CREBBP: variants seen among roughly 807,000 people sequenced by gnomAD.
The protein encoded by CREBBP is CREB binding lysine acetyltransferase, also known as CREB-binding protein.
CREBBP carries 19 observed loss-of-function variants against 265.0 expected under a neutral mutation model. That is an observed-to-expected ratio of 0.07 (90% CI 0.05 to 0.11). CREBBP has a LOEUF of 0.11. CREBBP is among the 10% of genes least tolerant of loss of function. CREBBP has a pLI of 1.00. For missense variants in CREBBP, 2,525 were observed against 3,219.0 expected, an observed-to-expected ratio of 0.78 and a Z score of 5.22; for synonymous variants, 1,457 against 1,223.7, an observed-to-expected ratio of 1.19 and a Z score of -3.98.
intron 2 of CREBBP, among the ~76,000 whole-genome samples, chr16:3,831,703 A>G (rs983491838): frequency 4.6e-5 from 7 of 152,200 alleles, no homozygotes; most frequent in Admixed American, 3.9e-4. Flanking sequence ...CAAATTAAGA[A>G]AAGAGTACAG....
rs2151367822 is a variant in CREBBP at position 3,749,608 on chromosome 16, G to C, written c.3836+19C>G. 6.4e-7 allele frequency: 1 copy of C among 1,572,826 alleles called. No individual in the cohort carries two copies. The highest frequency in any genetic ancestry group is 8.7e-7 in the Non-Finnish European group (1 of 1,143,978). On this transcript the variant is annotated intron_variant, in intron 21 of 30. Coordinates refer to ENST00000262367, the MANE Select transcript of CREBBP (RefSeq NM_004380.3). ...TCAAACCAAAACTGAAAGTAAAAAA[G>C]AAATAGCTATATACTTACGGTTCGG...
At chr16:3,833,416 G>C (rs2054381891) in intron 2 of CREBBP, among the ~76,000 whole-genome samples, 1 of 151,996 alleles carries the variant, frequency 6.6e-6, no homozygotes, top group Non-Finnish European at 1.5e-5. Context: ...CATCTCAAAA[G>C]AAACCCAAAA....
rs192701589 is a variant in CREBBP, at chr16:3,808,554, G to A, written c.975+2049C>T. Among the ~76,000 whole-genome samples, 8 of 152,336 alleles carry A rather than the reference G, an allele frequency of 5.3e-5. No individual in the cohort carries two copies. The South Asian group carries it at 8.3e-4, about 16-fold the overall frequency. ...GAATGAGCAGCCTCTTTGCAGTCCCGGGCAGAAACTGCCCTTGACAAGCAT... is the reference window on the plus strand; with the variant it reads ...GAATGAGCAGCCTCTTTGCAGTCCCAGGCAGAAACTGCCCTTGACAAGCAT... On this transcript the variant is annotated intron_variant, in intron 3 of 30. Transcript: ENST00000262367.
At chr16:3,868,796 A>T (rs2055232789) in intron 1 of CREBBP, among the ~76,000 whole-genome samples, 2 of 152,240 alleles carry the variant, frequency 1.3e-5, no homozygotes, top group Non-Finnish European at 2.9e-5. Flanking sequence ...CACAACTCAG[A>T]GTTCCATGAG....
At chr16:3,865,945 AT>A (rs924586373) in intron 1 of CREBBP, among the ~76,000 whole-genome samples, 9 of 151,576 alleles carry the variant, frequency 5.9e-5, no homozygotes, top group South Asian at 2.1e-4. Context: ...CAAGAAACTG[AT>A]TTTTTTTTAA....
In CREBBP at chr16:3,787,634, TTTTTTTGTTTTGTTTTGG is replaced by T. The variant is rs533183355; in HGVS notation, c.1330+4329_1330+4346del. ...ACTCCATATAAAAAAAGGAGGTTTT[TTTTTTTGTTTTGTTTTGG>T]TTTTTTGTTTTGTTTTGTTTTGTTT... is the stretch of plus-strand genomic sequence containing the variant. On this transcript the variant is annotated intron_variant, in intron 5 of 30. Coordinates refer to ENST00000262367, the MANE Select transcript of CREBBP (RefSeq NM_004380.3). Among the ~76,000 whole-genome samples, 1,274 of 152,184 alleles carry T rather than the reference TTTTTTTGTTTTGTTTTGG, an allele frequency of 8.4e-3. 8 individuals are homozygous for T. The highest frequency in any genetic ancestry group is 0.013 in the Non-Finnish European group (859 of 67,998).
Position 3,773,607 on chromosome 16 carries a change from G to C in CREBBP, c.2463+144C>G, listed in dbSNP as rs1446752343. The C allele has an allele frequency of 8.0e-6, 7 of 875,412 alleles. No individual in the cohort carries two copies. In the African/African-American group the frequency reaches 8.5e-5, roughly 11 times the overall value. The allele number at this position is 875,412 out of a possible 1,614,324, so 54.2% of individuals were successfully genotyped here. ...TTAAGGACTACAGGACAAAGGTGGA[G>C]AAAACAAAGAGAAGCTGATACAAAG... On this transcript the variant is annotated intron_variant, in intron 13 of 30. Transcript: ENST00000262367.
rs771319484 is a variant in CREBBP, at chr16:3,729,676, A to C, written c.5371T>G (p.Ser1791Ala). Residue 1791 changes from serine (S) to alanine (A), a missense_variant, in exon 31 of 31, where the codon TCG (serine) becomes GCG (alanine). This residue lies in a region of CREBBP where 53 missense variants were observed against 146.3 expected (regional missense o/e 0.36). Coordinates refer to ENST00000262367, the MANE Select transcript of CREBBP (RefSeq NM_004380.3). ...HACQCRNANCSLPSCQKMKRV... is the reference protein window; with the variant it reads ...HACQCRNANCALPSCQKMKRV... Reference sequence around the variant, plus strand: ...TTCATCTTCTGGCAGGATGGCAGCGAGCAGTTGGCGTTGCGGCACTGGCAC... The same window carrying C: ...TTCATCTTCTGGCAGGATGGCAGCGCGCAGTTGGCGTTGCGGCACTGGCAC... The C allele has an allele frequency of 6.2e-7, 1 of 1,613,432 alleles. No homozygotes were observed. The highest frequency in any genetic ancestry group is 1.1e-5 in the South Asian group (1 of 91,082).
Position 3,810,765 on chromosome 16 carries a change from C to T in CREBBP, c.813G>A (p.Gly271=). The change falls in exon 3 of 31, where the codon GGG becomes GGA. Residue 271 remains glycine (G), a synonymous_variant. Transcript: ENST00000262367. ...AGGGCTGTCCAAATGGACTTGTGTT[C>T]CCAGTTATTCCCATCTGAAACAAAA... ...AGGMAKMGIT[G]NTSPFGQPFS... is the part of the protein sequence containing the mutation. 2 of 1,613,818 alleles carry T rather than the reference C, an allele frequency of 1.2e-6. No individual in the cohort carries two copies. The highest frequency in any genetic ancestry group is 1.1e-5 in the South Asian group (1 of 91,050).
At chr16:3,766,990 C>A (rs759125989) in intron 16 of CREBBP, among the ~76,000 whole-genome samples, 1 of 152,188 alleles carries the variant, frequency 6.6e-6, no homozygotes, top group Non-Finnish European at 1.5e-5. Context: ...CAGTCTCTAA[C>A]ATTTCTCTGC....
intron 24 of CREBBP, 124 bp from the exon 25 acceptor site, chr16:3,739,848 A>G: frequency 2.9e-6 from 4 of 1,392,502 alleles, no homozygotes; most frequent in Non-Finnish European, 4.0e-6. Flanking sequence ...ACCTCCTCAG[A>G]CCGTGGCCTG....
chr16:3,728,582 A>G lies in CREBBP; in HGVS notation c.6465T>C (p.Pro2155=), dbSNP rs746868061. Reference sequence around the variant, plus strand: ...GGCCTCCCATCGCCTGCTGCTGTGGAGGCACACCGGGCCGCGGCACGCCAG... The same window carrying G: ...GGCCTCCCATCGCCTGCTGCTGTGGGGGCACACCGGGCCGCGGCACGCCAG... ...MQAGVPRPGV[P]PQQQAMGGLN... is the part of the protein sequence containing the mutation. The change falls in exon 31 of 31, where the codon CCT becomes CCC. Residue 2155 remains proline (P), a synonymous_variant. Coordinates refer to ENST00000262367, the MANE Select transcript of CREBBP (RefSeq NM_004380.3). This position sits in a 1 kb window ranked among gnomAD's most constrained non-coding sequence, Gnocchi z 8.7. The G allele has an allele frequency of 8.1e-6, 13 of 1,613,596 alleles. No homozygotes were observed. Among genetic ancestry groups the G allele is most frequent in the Non-Finnish European group, 9.3e-6 (11 of 1,179,906 alleles).
chr16:3,843,669 C>T (rs1597040299), intron 2 of CREBBP, among the ~76,000 whole-genome samples: 2 of 152,138 alleles, frequency 1.3e-5, no homozygotes, highest in Non-Finnish European at 1.5e-5. Flanking sequence ...ATCCTCCCAC[C>T]TCAGCCTCCT....
At chr16:3,842,784 G>C (rs953672892) in intron 2 of CREBBP, among the ~76,000 whole-genome samples, 2 of 151,860 alleles carry the variant, frequency 1.3e-5, no homozygotes, top group Non-Finnish European at 2.9e-5. Flanking sequence ...GGCCAACATG[G>C]TGAAACCCCG....
At chr16:3,779,988 C>A (rs2053235446) in intron 8 of CREBBP, among the ~76,000 whole-genome samples, 1 of 151,820 alleles carries the variant, frequency 6.6e-6, no homozygotes, top group African/African-American at 2.4e-5. Context: ...TGGCTCATAA[C>A]CCCAGCACTT....
At position 3,836,441 on chromosome 16, in the gene CREBBP, A is replaced by AAAAAAAAG. The variant is rs1555493876; in HGVS notation, c.798+13855_798+13856insCTTTTTTT. 2.6e-5 allele frequency among the ~76,000 whole-genome samples: 4 copies of AAAAAAAAG among 151,554 alleles called. No individual in the cohort carries two copies. In the South Asian group the frequency reaches 8.3e-4, roughly 31 times the overall value. ...AGAGCGAGACTGTGTCTCAAAAAAA[A>AAAAAAAAG]AAAAAAAAGAAAAAAAAGAAAAAAA... On this transcript the variant is annotated intron_variant, in intron 2 of 30. Coordinates refer to ENST00000262367, the MANE Select transcript of CREBBP (RefSeq NM_004380.3).
intron 2 of CREBBP, among the ~76,000 whole-genome samples, chr16:3,820,882 G>A (rs2054129138): frequency 6.6e-6 from 1 of 152,156 alleles, no homozygotes; most frequent in African/African-American, 2.4e-5. Flanking sequence ...GGAAATGCAG[G>A]CCTGTATCCT....
intron 1 of CREBBP, among the ~76,000 whole-genome samples, chr16:3,851,878 A>AT (rs1325905658): frequency 3.6e-5 from 5 of 138,302 alleles, no homozygotes; most frequent in Non-Finnish European, 7.6e-5. Flanking sequence ...AAAAAAAAAA[A>AT]AGACAAAACA....
intron 1 of CREBBP, among the ~76,000 whole-genome samples, chr16:3,865,109 T>C (rs1213091308): frequency 3.9e-5 from 6 of 152,272 alleles, no homozygotes; most frequent in Non-Finnish European, 8.8e-5. Flanking sequence ...ACCTGGAGAA[T>C]ATATGTGCTG....
Sources: allele counts gnomAD v4.1 joint callset (sites outside exome capture counted in the v4.1 genomes callset), GRCh38; gene constraint gnomAD v4.1.1; regional missense constraint gnomAD v4.1.1; non-coding constraint Gnocchi (gnomAD v3.1); transcripts MANE v1.5; gene names NCBI Gene and HGNC (gene_info 2026-07-23, HGNC 2026-07-21).